Variants in KMT2A observed in about 807,000 individuals in gnomAD.
The protein encoded by KMT2A is histone-lysine N-methyltransferase 2A.
In KMT2A, 16 loss-of-function variants were observed where a neutral mutation model predicts 345.3. The observed-to-expected ratio is 0.05, with a 90% confidence interval of 0.03 to 0.07. The LOEUF is 0.07. KMT2A is among the 10% of genes least tolerant of loss of function. The pLI, the probability that KMT2A is intolerant of heterozygous loss-of-function variation, is 1.00. For missense variants in KMT2A, 3,272 were observed against 4,841.6 expected (o/e 0.68, Z 9.62); for synonymous variants, 1,599 against 1,778.6 (o/e 0.90, Z 2.54).
At position 118,490,280 on chromosome 11, in the gene KMT2A, C is replaced by T. The variant is rs199551818; in HGVS notation, c.4696+31C>T. ...CAAAAAAGCCAGTTTTGCCAGCTTT[C>T]GGAGGTTGTACTTGGTGTTCTGGAG... On this transcript the variant is annotated intron_variant, in intron 13 of 35. Coordinates refer to ENST00000534358, the MANE Select transcript of KMT2A (RefSeq NM_001197104.2). This position sits in a 1 kb window ranked among gnomAD's most constrained non-coding sequence, Gnocchi z 4.2. 7.9e-5 allele frequency: 120 copies of T among 1,524,014 alleles called. No individual in the cohort carries two copies. The highest frequency in any genetic ancestry group is 9.5e-5 in the Non-Finnish European group (109 of 1,145,484). The allele number at this position is 1,524,014 out of a possible 1,614,324, so 94.4% of individuals were successfully genotyped here. A position where few individuals can be genotyped will look rare whatever the true frequency, so the allele number is the denominator to read the frequency against.
rs782394274 is a variant in KMT2A, at chr11:118,491,612, C to G, written c.4820-132C>G. The G allele has an allele frequency of 1.4e-6, 1 of 708,024 alleles. No individual in the cohort carries two copies. The highest frequency in any genetic ancestry group is 2.3e-6 in the Non-Finnish European group (1 of 441,170). The allele number at this position is 708,024 out of a possible 1,614,324, so 43.9% of individuals were successfully genotyped here. A position where few individuals can be genotyped will look rare whatever the true frequency, so the allele number is the denominator to read the frequency against. On this transcript the variant is annotated intron_variant, in intron 14 of 35. Transcript: ENST00000534358. This position sits in a 1 kb window ranked among gnomAD's most constrained non-coding sequence, Gnocchi z 4.2. ...TTTTTGAGATCAATATGTGTCATAT[C>G]CATGAGGACATTAAAATCTTAATGT...
Position 118,490,147 on chromosome 11 carries a change from C to T in KMT2A, c.4594C>T (p.Arg1532Cys), listed in dbSNP as rs781990391. 3.7e-6 allele frequency: 6 copies of T among 1,610,290 alleles called. No individual in the cohort carries two copies. Among genetic ancestry groups the T allele is most frequent in the Admixed American group, 1.7e-5 (1 of 58,968 alleles). The change falls in exon 13 of 36, where the codon CGC (arginine) becomes TGC (cysteine). Residue 1532 changes from arginine to cysteine, a missense_variant. By Grantham distance (180) the Arg-to-Cys change is radical. Around this residue, in one of 27 missense-constraint regions of KMT2A, gnomAD observed 120 missense variants for 280.4 expected, o/e 0.43. Coordinates refer to ENST00000534358, the MANE Select transcript of KMT2A (RefSeq NM_001197104.2). This position sits in a 1 kb window ranked among gnomAD's most constrained non-coding sequence, Gnocchi z 4.2. ...TTTCTAGATCTGTACCAAGTGTGTTCGCTGTAAGAGCTGTGGATCCACAAC... is the reference window on the plus strand; with the variant it reads ...TTTCTAGATCTGTACCAAGTGTGTTTGCTGTAAGAGCTGTGGATCCACAAC... ...KKVWICTKCV[R>C]CKSCGSTTPG...
In KMT2A at chr11:118,496,176, A is replaced by G; in HGVS notation, c.5558-85A>G. ...GGCTGTGGGCTATGTAAGCTGAATT[A>G]TTTCTTTTTTCCTTGAAATCAGACA... On this transcript the variant is annotated intron_variant, in intron 19 of 35. Transcript: ENST00000534358. The surrounding 1 kb of genome is among the most constrained non-coding windows in gnomAD (Gnocchi z 4.7). The G allele has an allele frequency of 9.6e-7, 1 of 1,043,810 alleles. No individual in the cohort carries two copies. Among genetic ancestry groups the G allele is most frequent in the Non-Finnish European group, 1.5e-6 (1 of 669,704 alleles). 64.7% of individuals were successfully genotyped at this position (1,043,810 alleles called of 1,614,324 possible).
At chr11:118,437,665 A>T (rs1037361957) in intron 1 of KMT2A, among the ~76,000 whole-genome samples, 1 of 147,260 alleles carries the variant, frequency 6.8e-6, no homozygotes, top group Admixed American at 6.7e-5. Flanking sequence ...TTCCTCATAC[A>T]GCAGTCTCTT....
intron 11 of KMT2A, 74 bp from the exon 12 acceptor site, chr11:118,489,718 A>G (rs1950294272): frequency 1.6e-6 from 2 of 1,217,512 alleles, no homozygotes; most frequent in African/African-American, 3.0e-5. Context: ...TAAATGTGAA[A>G]TGGGGTACTA....
At chr11:118,508,234 T>C (rs1453430831) in intron 28 of KMT2A, among the ~76,000 whole-genome samples, 2 of 152,222 alleles carry the variant, frequency 1.3e-5, no homozygotes, top group African/African-American at 4.8e-5. Flanking sequence ...TGAATATGTA[T>C]ACACTTTTTT....
intron 1 of KMT2A, among the ~76,000 whole-genome samples, chr11:118,464,539 C>CAA (rs35564663): frequency 0.015 from 974 of 64,952 alleles, 9 homozygotes; most frequent in African/African-American, 0.051. Context: ...AACTCTGTCT[C>CAA]AAAAAAAAAA....
intron 1 of KMT2A, among the ~76,000 whole-genome samples, chr11:118,464,782 A>G (rs1195755852): frequency 6.6e-6 from 1 of 152,242 alleles, no homozygotes; most frequent in East Asian, 1.9e-4. Context: ...GAAGTGGTCC[A>G]GTCAAAGCAA....
chr11:118,484,136 G>A lies in KMT2A; in HGVS notation c.4087-47G>A, dbSNP rs2134310859. Reference sequence around the variant, plus strand: ...ATTATTATCTGTTGCAAATGTGAAGGCAAATAGGGTGTGATTTTGTTCTAT... The same window carrying A: ...ATTATTATCTGTTGCAAATGTGAAGACAAATAGGGTGTGATTTTGTTCTAT... On this transcript the variant is annotated intron_variant, in intron 8 of 35. Coordinates refer to ENST00000534358, the MANE Select transcript of KMT2A (RefSeq NM_001197104.2). The surrounding 1 kb of genome is among the most constrained non-coding windows in gnomAD (Gnocchi z 4.1). 6.3e-7 allele frequency: 1 copy of A among 1,587,770 alleles called. No homozygotes were observed. The highest frequency in any genetic ancestry group is 1.1e-5 in the South Asian group (1 of 87,676).
rs1555048080 is a variant in KMT2A at position 118,505,927 on chromosome 11, T to C, written c.10035T>C (p.Asn3345=). The change falls in exon 27 of 36, where the codon AAT becomes AAC. Residue 3345 remains asparagine (N), a synonymous_variant. Transcript: ENST00000534358. The surrounding 1 kb of genome is among the most constrained non-coding windows in gnomAD (Gnocchi z 4.6). ...TGGCATCCAGTTCCTCTGTCTTGAA[T>C]GTTGTATCCATGCAAACTACCACAA... ...SGLASSSSVL[N]VVSMQTTTTP... 2.5e-6 allele frequency: 4 copies of C among 1,614,172 alleles called. No homozygotes were observed. Among genetic ancestry groups the C allele is most frequent in the South Asian group, 1.1e-5 (1 of 91,074 alleles).
Position 118,507,140 on chromosome 11 carries a change from T to A in KMT2A, c.10755-389T>A, listed in dbSNP as rs945081500. Among the ~76,000 whole-genome samples the A allele has an allele frequency of 3.9e-5, 6 of 152,234 alleles. No homozygotes were observed. In the East Asian group the frequency reaches 5.8e-4, roughly 15 times the overall value. ...AGTAAGACCCTGTCTCTACAAAAAA[T>A]TTTTTAAAACAGCTGGGTGTGGTGT... On this transcript the variant is annotated intron_variant, in intron 27 of 35. Coordinates refer to ENST00000534358, the MANE Select transcript of KMT2A (RefSeq NM_001197104.2).
intron 1 of KMT2A, among the ~76,000 whole-genome samples, chr11:118,456,421 C>G (rs1949644394): frequency 1.3e-5 from 2 of 151,984 alleles, no homozygotes; most frequent in South Asian, 4.2e-4. Flanking sequence ...TTACTGCAAC[C>G]TCCGCCTCCT....
intron 11 of KMT2A, among the ~76,000 whole-genome samples, chr11:118,489,397 G>T (rs1190631879): frequency 2.0e-5 from 3 of 152,066 alleles, no homozygotes; most frequent in African/African-American, 7.2e-5. Context: ...TTAGAGTATT[G>T]CTTTCTTTCT....
At chr11:118,446,589 A>G (rs1949426701) in intron 1 of KMT2A, among the ~76,000 whole-genome samples, 1 of 151,982 alleles carries the variant, frequency 6.6e-6, no homozygotes. Context: ...CATCCAATCA[A>G]TTTCTGAGTC....
At chr11:118,509,401 A>T (rs948144230) in intron 29 of KMT2A, among the ~76,000 whole-genome samples, 2 of 152,138 alleles carry the variant, frequency 1.3e-5, no homozygotes, top group East Asian at 3.8e-4. Flanking sequence ...ATATTGTGTG[A>T]TCACCTGTCA....
At chr11:118,511,927 C>T (rs111313792) in intron 30 of KMT2A, 24 bp from the exon 31 acceptor site, 15 of 1,606,218 alleles carry the variant, frequency 9.3e-6, no homozygotes, top group South Asian at 2.2e-5. Flanking sequence ...TTCTGGCTTA[C>T]GGGTTTTCTT....
chr11:118,459,677 T>G (rs1331822605), intron 1 of KMT2A, among the ~76,000 whole-genome samples: 1 of 151,978 alleles, frequency 6.6e-6, no homozygotes, highest in Non-Finnish European at 1.5e-5. Flanking sequence ...ATAATTTTTT[T>G]TTTTTTGAAA....
At position 118,523,635 on chromosome 11, in the gene KMT2A, ATTT is replaced by A. The variant is rs1347879677; in HGVS notation, c.*1467_*1469del. 61 of 228,432 alleles carry A rather than the reference ATTT, an allele frequency of 2.7e-4. No individual in the cohort carries two copies. The highest frequency in any genetic ancestry group is 3.5e-5 in the Non-Finnish European group (4 of 114,898). 14.2% of individuals were successfully genotyped at this position (228,432 alleles called of 1,614,324 possible). ...AGGGAGAAGCACTTATGACAAGGCT[ATTT>A]TTTAAACCGCGGTATTATCCTAATT... is the stretch of plus-strand genomic sequence containing the variant. On this transcript the variant is annotated 3_prime_UTR_variant, in exon 36 of 36. Coordinates refer to ENST00000534358, the MANE Select transcript of KMT2A (RefSeq NM_001197104.2).
rs782371090 is a variant in KMT2A at position 118,484,344 on chromosome 11, T to C, written c.4218+30T>C. 1.2e-6 allele frequency: 2 copies of C among 1,609,296 alleles called. No individual in the cohort carries two copies. Among genetic ancestry groups the C allele is most frequent in the Non-Finnish European group, 1.7e-6 (2 of 1,177,532 alleles). On this transcript the variant is annotated intron_variant, in intron 9 of 35. Coordinates refer to ENST00000534358, the MANE Select transcript of KMT2A (RefSeq NM_001197104.2). This position sits in a 1 kb window ranked among gnomAD's most constrained non-coding sequence, Gnocchi z 4.1. Reference sequence around the variant, plus strand: ...AGGTGTTCAGTGATCATAAAGTATATTGAGTGTCAAAGACTTTAAATAAAG... The same window carrying C: ...AGGTGTTCAGTGATCATAAAGTATACTGAGTGTCAAAGACTTTAAATAAAG...
Sources: allele counts gnomAD v4.1 joint callset (sites outside exome capture counted in the v4.1 genomes callset), GRCh38; gene constraint gnomAD v4.1.1; regional missense constraint gnomAD v4.1.1; non-coding constraint Gnocchi (gnomAD v3.1); transcripts MANE v1.5; gene names NCBI Gene and HGNC (gene_info 2026-07-23, HGNC 2026-07-21).